HUWE1: variants seen among roughly 807,000 people sequenced by gnomAD.
HUWE1 encodes E3 ubiquitin-protein ligase HUWE1.
HUWE1 carries 18 observed loss-of-function variants against 299.4 expected under a neutral mutation model. That is an observed-to-expected ratio of 0.06 (90% CI 0.04 to 0.09). The LOEUF (loss-of-function observed/expected upper bound fraction) is 0.09, where lower values mean the gene tolerates loss of function less well. Among genes scored for constraint, HUWE1 ranks in the 10% least tolerant of loss-of-function variants. The pLI is 1.00. For missense variants in HUWE1, 1,832 were observed against 3,462.3 expected (o/e 0.53, Z 11.82); for synonymous variants, 1,317 against 1,286.1 (o/e 1.02, Z -0.51).
chrX:53,539,198 AG>A, intron 75 of HUWE1, 118 bp from the exon 76 acceptor site: 1 of 835,925 alleles, frequency 1.2e-6, no homozygotes, highest in African/African-American at 2.0e-5. Flanking sequence ...AGTGAAAACT[AG>A]GCTAGGTGTG....
intron 47 of HUWE1, among the ~76,000 whole-genome samples, chrX:53,570,541 G>A (rs927585690): frequency 4.4e-4 from 49 of 111,899 alleles, no homozygotes; most frequent in African/African-American, 1.6e-3. Context: ...AATAGAAGCT[G>A]GTAAGAGCTG....
chrX:53,600,287 A>T lies in HUWE1; in HGVS notation c.2994T>A (p.Ala998=). The change falls in exon 29 of 84, where the codon GCT becomes GCA. Residue 998 remains alanine, a synonymous_variant. Coordinates refer to ENST00000262854, the MANE Select transcript of HUWE1 (RefSeq NM_031407.7). ...CCTGGGTAGAAGCATCCATACTTCC[A>T]GCTGCTCCATCCTGTTCCCCATCTA... ...KRSDGEQDGA[A]GSMDASTQGL... The T allele has an allele frequency of 8.3e-7, 1 of 1,207,973 alleles. No individual in the cohort carries two copies. Among genetic ancestry groups the T allele is most frequent in the East Asian group, 3.0e-5 (1 of 33,785 alleles).
intron 4 of HUWE1, among the ~76,000 whole-genome samples, chrX:53,653,827 C>T (rs1301792587): frequency 8.9e-6 from 1 of 112,052 alleles, no homozygotes; most frequent in African/African-American, 3.2e-5. Flanking sequence ...TTCAGGCACA[C>T]ACAGCTACGA....
In HUWE1 at chrX:53,568,086, A is replaced by G. The variant is rs781939511; in HGVS notation, c.6707+606T>C. Among the ~76,000 whole-genome samples the G allele has an allele frequency of 2.7e-5, 3 of 112,536 alleles. No individual in the cohort carries two copies. The South Asian group carries it at 1.1e-3, about 41-fold the overall frequency. ...AAAATAAAGATCGAAATAATGAAAAAAAATTGTTTTAGAATAAGAGAGATT... is the reference window on the plus strand; with the variant it reads ...AAAATAAAGATCGAAATAATGAAAAGAAATTGTTTTAGAATAAGAGAGATT... On this transcript the variant is annotated intron_variant, in intron 49 of 83. Transcript: ENST00000262854.
intron 39 of HUWE1, 101 bp downstream of exon 39, chrX:53,586,389 G>GTGA: frequency 1.8e-6 from 1 of 548,316 alleles, no homozygotes; most frequent in Non-Finnish European, 3.2e-6. Flanking sequence ...ACATTGGTCA[G>GTGA]AGACTTCTAT....
chrX:53,631,080 G>A (rs2066845592), intron 11 of HUWE1, 46 bp from the exon 12 acceptor site: 1 of 789,255 alleles, frequency 1.3e-6, no homozygotes, highest in African/African-American at 2.0e-5. Context: ...AATGAAAAAG[G>A]TGAATATTCT....
chrX:53,542,468 G>A lies in HUWE1; in HGVS notation c.11451C>T (p.Pro3817=), dbSNP rs146409405. The A allele has an allele frequency of 9.6e-5, 115 of 1,197,429 alleles. No individual in the cohort carries two copies. In the African/African-American group the frequency reaches 1.8e-3, roughly 19 times the overall value. ...ESPMDVDQPS[P]SAQDTQSIAS... ...CAATGGATTGAGTATCTTGAGCACT[G>A]GGAGATGGCTGGTCCACATCCATGG... Residue 3817 remains proline (P), a synonymous_variant, in exon 74 of 84, where the codon CCC becomes CCT. Transcript: ENST00000262854.
At position 53,548,160 on chromosome X, in the gene HUWE1, G is replaced by A. The variant is rs1556924970; in HGVS notation, c.10149C>T (p.Gly3383=). Residue 3383 remains glycine (G), a synonymous_variant, in exon 68 of 84, where the codon GGC becomes GGT. Transcript: ENST00000262854. ...ATAAGTCCCAGAAGTCTGTGCAAAT[G>A]CCACTGCTGGAGGACTGTGAGGAGC... is the stretch of plus-strand genomic sequence containing the variant. ...SPCSSQSSSS[G]ICTDFWDLLV... The A allele has an allele frequency of 2.5e-6, 3 of 1,208,662 alleles. No individual in the cohort carries two copies. The highest frequency in any genetic ancestry group is 1.7e-5 in the African/African-American group (1 of 57,848).
intron 34 of HUWE1, among the ~76,000 whole-genome samples, chrX:53,590,716 T>C (rs1569476456): frequency 8.9e-6 from 1 of 112,299 alleles, no homozygotes; most frequent in South Asian, 3.7e-4. Flanking sequence ...AAACTAAGTA[T>C]AGGAAGGAGG....
chrX:53,627,842 G>A lies in HUWE1; in HGVS notation c.1280C>T (p.Thr427Ile), dbSNP rs2066619455. ...KFLGDEQDQI[T>I]FVTRAVRVVD... ...CACTCTGACGGCTCTGGTGACAAAT[G>A]TTATCTGGTCCTGTTCATCGCCAAG... Residue 427 changes from threonine (T) to isoleucine (I), a missense_variant, in exon 16 of 84, where the codon ACA becomes ATA. By Grantham distance (89) the Thr-to-Ile change is moderately conservative. Around this residue, in one of 15 missense-constraint regions of HUWE1, gnomAD observed 658 missense variants for 1,282.6 expected, o/e 0.51. Transcript: ENST00000262854. The A allele has an allele frequency of 8.3e-7, 1 of 1,209,696 alleles. No individual in the cohort carries two copies. The highest frequency in any genetic ancestry group is 1.1e-6 in the Non-Finnish European group (1 of 893,661).
intron 7 of HUWE1, among the ~76,000 whole-genome samples, chrX:53,639,002 C>G: frequency 8.9e-6 from 1 of 112,224 alleles, no homozygotes; most frequent in Non-Finnish European, 1.9e-5. Flanking sequence ...GACCAAAACA[C>G]GATATTCAAT....
chrX:53,643,612 A>G (rs1557032966), intron 7 of HUWE1, among the ~76,000 whole-genome samples: 1 of 109,951 alleles, frequency 9.1e-6, no homozygotes, highest in Non-Finnish European at 1.9e-5. Flanking sequence ...TCGGCCCCCC[A>G]AAGTGTTGGG....
At chrX:53,628,411 G>C in intron 15 of HUWE1, 82 bp downstream of exon 15, 1 of 1,021,337 alleles carries the variant, frequency 9.8e-7, no homozygotes, top group Non-Finnish European at 1.3e-6. Flanking sequence ...CCCTCACTGT[G>C]AAACACCCCA....
rs1556995243 is a variant in HUWE1, at chrX:53,604,762, G to C, written c.2569C>G (p.Pro857Ala). 6 of 1,209,461 alleles carry C rather than the reference G, an allele frequency of 5.0e-6. No homozygotes were observed. The highest frequency in any genetic ancestry group is 4.4e-5 in the Admixed American group (2 of 45,884). The change falls in exon 26 of 84, where the codon CCC becomes GCC. Residue 857 changes from proline (P) to alanine (A), a missense_variant. This residue lies in a region of HUWE1 where 658 missense variants were observed against 1,282.6 expected (regional missense o/e 0.51). Coordinates refer to ENST00000262854, the MANE Select transcript of HUWE1 (RefSeq NM_031407.7). The stretch of plus-strand genomic sequence containing the variant: ...GGGGATTCAATGGGGCGGTGTAAGG[G>C]CTCCAGGGAGGAGAGGATGGAGTCC... ...QLDSILSSLEPLHRPIESPGG... is the reference protein window; with the variant it reads ...QLDSILSSLEALHRPIESPGG...
chrX:53,655,242 C>T (rs781833966), intron 3 of HUWE1, among the ~76,000 whole-genome samples: 44 of 110,552 alleles, frequency 4.0e-4, no homozygotes, highest in African/African-American at 1.3e-3. Flanking sequence ...GTTCCTCCCC[C>T]GAGAAGGCTG....
intron 6 of HUWE1, among the ~76,000 whole-genome samples, chrX:53,646,330 G>A (rs1411397993): frequency 9.1e-6 from 1 of 110,405 alleles, no homozygotes; most frequent in Admixed American, 9.6e-5. Context: ...GCTAATTTTT[G>A]TATTTTTTGT....
At chrX:53,670,422 G>A (rs188839747) in intron 3 of HUWE1, among the ~76,000 whole-genome samples, 48 of 111,519 alleles carry the variant, frequency 4.3e-4, no homozygotes, top group African/African-American at 1.5e-3. Flanking sequence ...CCATGGATAT[G>A]TTATTACTCC....
At chrX:53,641,855 A>G (rs1353396353) in intron 7 of HUWE1, among the ~76,000 whole-genome samples, 2 of 111,446 alleles carry the variant, frequency 1.8e-5, no homozygotes, top group African/African-American at 6.5e-5. Flanking sequence ...CTCTATTTAG[A>G]CCATCTTTTA....
chrX:53,538,563 C>A, intron 76 of HUWE1, 109 bp from the exon 77 acceptor site: 1 of 615,640 alleles, frequency 1.6e-6, no homozygotes, highest in Non-Finnish European at 2.7e-6. Flanking sequence ...TATTTCAGGG[C>A]TCTAAAAGGA....
Sources: gnomAD v4.1 joint callset for allele counts (sites outside exome capture counted in the v4.1 genomes callset) on GRCh38, gnomAD v4.1.1 for gene constraint, gnomAD v4.1.1 regional missense constraint, MANE v1.5 for transcripts, NCBI Gene and HGNC (gene_info 2026-07-23, HGNC 2026-07-21) for gene names.